BRSK2: variants seen among roughly 807,000 people sequenced by gnomAD.
BRSK2 encodes the protein serine/threonine-protein kinase BRSK2.
BRSK2 carries 19 observed loss-of-function variants against 83.3 expected under a neutral mutation model. The observed-to-expected ratio is 0.23, with a 90% confidence interval of 0.16 to 0.33. BRSK2 has a LOEUF of 0.33. BRSK2 is among the 10% of genes least tolerant of loss of function. The probability of loss-of-function intolerance (pLI) is 1.00; values close to 1 mark genes in which losing one functional copy is unlikely to be tolerated. For synonymous variants in BRSK2, 519 were observed against 435.4 expected (o/e 1.19, Z -2.39); for missense variants, 798 against 1,042.3 (o/e 0.77, Z 3.23).
chr11:1,446,617 A>C (rs1188200040), intron 12 of BRSK2, among the ~76,000 whole-genome samples: 1 of 151,934 alleles, frequency 6.6e-6, no homozygotes, highest in Non-Finnish European at 1.5e-5. Context: ...AGTGATGAGC[A>C]GACCCGTGGC....
chr11:1,410,685 G>A (rs1277737679), intron 1 of BRSK2: 19 of 985,278 alleles, frequency 1.9e-5, no homozygotes, highest in Non-Finnish European at 2.3e-5. Context: ...ACTGCCTGAC[G>A]CCCACCCTCA....
intron 1 of BRSK2, among the ~76,000 whole-genome samples, chr11:1,399,257 C>T (rs1281086121): frequency 6.6e-6 from 1 of 152,204 alleles, no homozygotes; most frequent in Admixed American, 6.5e-5. Context: ...CTTGTGTCCA[C>T]ACCGCAGTTT....
chr11:1,456,901 A>G, intron 18 of BRSK2: 1 of 1,571,920 alleles, frequency 6.4e-7, no homozygotes, highest in Non-Finnish European at 8.6e-7. Context: ...TCTGCACGCC[A>G]GGGACATAGG....
At chr11:1,406,151 G>A (rs1012371082) in intron 1 of BRSK2, among the ~76,000 whole-genome samples, 3 of 152,102 alleles carry the variant, frequency 2.0e-5, no homozygotes, top group African/African-American at 7.2e-5. Flanking sequence ...TCCTCTCCCT[G>A]CCCAGCCGCC....
chr11:1,456,363 C>G lies in BRSK2; in HGVS notation c.1684C>G (p.His562Asp). 1 of 1,572,150 alleles carries G rather than the reference C, an allele frequency of 6.4e-7. No individual in the cohort carries two copies. The highest frequency in any genetic ancestry group is 8.6e-7 in the Non-Finnish European group (1 of 1,159,420). ...HAFLSIPSLS[H>D]SVISQTSFRA... Reference sequence around the variant, plus strand: ...CTCTCCACAGATTCCCAGTCTCAGCCACAGCGTCATCTCCCAAACGAGCTT... The same window carrying G: ...CTCTCCACAGATTCCCAGTCTCAGCGACAGCGTCATCTCCCAAACGAGCTT... Residue 562 changes from histidine (H) to aspartate (D), a missense_variant, in exon 17 of 20, where the codon CAC becomes GAC. Transcript: ENST00000528841.
At chr11:1,426,778 C>T (rs61868972) in intron 1 of BRSK2, among the ~76,000 whole-genome samples, 25,853 of 152,084 alleles carry the variant, frequency 0.17, 2,923 homozygotes, top group Non-Finnish European at 0.23. Flanking sequence ...GGGGTGCAGA[C>T]ACAGGATGTG....
intron 1 of BRSK2, among the ~76,000 whole-genome samples, chr11:1,404,719 C>T (rs1395937914): frequency 6.6e-6 from 1 of 152,222 alleles, no homozygotes; most frequent in Non-Finnish European, 1.5e-5. Context: ...GGCTTGCAGC[C>T]CCTGCCTCTC....
chr11:1,425,128 C>T (rs1849060875), intron 1 of BRSK2, among the ~76,000 whole-genome samples: 1 of 152,248 alleles, frequency 6.6e-6, no homozygotes, highest in African/African-American at 2.4e-5. Context: ...TCTGCATCGT[C>T]CTGCGCTGCG....
intron 1 of BRSK2, among the ~76,000 whole-genome samples, chr11:1,400,507 C>T (rs555170464): frequency 1.3e-5 from 2 of 152,336 alleles, no homozygotes; most frequent in Admixed American, 6.5e-5. Context: ...GTATAGCGGC[C>T]GTGGGTACTG....
intron 1 of BRSK2, among the ~76,000 whole-genome samples, chr11:1,428,536 T>A (rs1184758321): frequency 6.6e-6 from 1 of 152,238 alleles, no homozygotes; most frequent in African/African-American, 2.4e-5. Context: ...GCAAGGCCAG[T>A]GCTCCGAGAC....
intron 1 of BRSK2, among the ~76,000 whole-genome samples, chr11:1,424,885 C>A (rs927968675): frequency 2.0e-5 from 3 of 152,186 alleles, no homozygotes; most frequent in African/African-American, 7.2e-5. Context: ...CTTCCTGGGG[C>A]TCACACACAG....
intron 2 of BRSK2, among the ~76,000 whole-genome samples, chr11:1,436,641 G>T (rs1850338040): frequency 6.6e-6 from 1 of 152,180 alleles, no homozygotes; most frequent in South Asian, 2.1e-4. Flanking sequence ...ACCTCTCAGT[G>T]GGGAGGGGGC....
chr11:1,455,460 C>T (rs1468190022), intron 16 of BRSK2, among the ~76,000 whole-genome samples: 1 of 151,886 alleles, frequency 6.6e-6, no homozygotes, highest in Non-Finnish European at 1.5e-5. Flanking sequence ...AGGGACTGGC[C>T]CCCACCCCAC....
At chr11:1,437,168 A>C (rs911587503) in intron 2 of BRSK2, among the ~76,000 whole-genome samples, 12 of 151,596 alleles carry the variant, frequency 7.9e-5, no homozygotes, top group Non-Finnish European at 1.3e-4. Context: ...TGAATTTGGG[A>C]GGTGCCTGTG....
At chr11:1,450,312 G>A (rs967445415) in intron 13 of BRSK2, among the ~76,000 whole-genome samples, 14 of 152,010 alleles carry the variant, frequency 9.2e-5, no homozygotes, top group African/African-American at 3.4e-4. Context: ...GAAGCTTGTG[G>A]GAGCGCCTCG....
At position 1,427,873 on chromosome 11, in the gene BRSK2, C is replaced by T. The variant is rs74363449; in HGVS notation, c.92-8167C>T. On this transcript the variant is annotated intron_variant, in intron 1 of 19. Coordinates refer to ENST00000528841, the MANE Select transcript of BRSK2 (RefSeq NM_001256627.2). Reference sequence around the variant, plus strand: ...CCTCTCACAGCACACTCCCCACTCCCTGCCTCCAGAAAGTGGCAAAACTGC... The same window carrying T: ...CCTCTCACAGCACACTCCCCACTCCTTGCCTCCAGAAAGTGGCAAAACTGC... Among the ~76,000 whole-genome samples the T allele has an allele frequency of 2.6e-3, 393 of 152,326 alleles. 3 individuals carry two copies. Among genetic ancestry groups the T allele is most frequent in the African/African-American group, 9.0e-3 (373 of 41,574 alleles).
At chr11:1,394,560 A>G (rs1163769374) in intron 1 of BRSK2, among the ~76,000 whole-genome samples, 7 of 42,254 alleles carry the variant, frequency 1.7e-4, no homozygotes, top group Non-Finnish European at 2.8e-4. Flanking sequence ...GGTCCTGGAG[A>G]TGGGTCCTGG....
chr11:1,423,086 G>C lies in BRSK2; in HGVS notation c.92-12954G>C, dbSNP rs1284508595. ...CAGCAGCCCGGAGGGTTAATGTCCA[G>C]GTACCTCCAGGCCCCATGCACCCAG... On this transcript the variant is annotated intron_variant, in intron 1 of 19. Coordinates refer to ENST00000528841, the MANE Select transcript of BRSK2 (RefSeq NM_001256627.2). This position sits in a 1 kb window ranked among gnomAD's most constrained non-coding sequence, Gnocchi z 6.5. 6.6e-6 allele frequency among the ~76,000 whole-genome samples: 1 copy of C among 152,182 alleles called. No individual in the cohort carries two copies. Among genetic ancestry groups the C allele is most frequent in the Admixed American group, 6.5e-5 (1 of 15,288 alleles).
intron 1 of BRSK2, among the ~76,000 whole-genome samples, chr11:1,395,851 G>A (rs1347688077): frequency 2.6e-5 from 4 of 152,172 alleles, no homozygotes; most frequent in Admixed American, 1.3e-4. Flanking sequence ...CAGAGTCACC[G>A]TGGCTGGCTG....
Sources: gnomAD v4.1 joint callset for allele counts (sites outside exome capture counted in the v4.1 genomes callset) on GRCh38, gnomAD v4.1.1 for gene constraint, Gnocchi (gnomAD v3.1) non-coding constraint, MANE v1.5 for transcripts, NCBI Gene and HGNC (gene_info 2026-07-23, HGNC 2026-07-21) for gene names.